Variants in ZGPAT observed in about 807,000 individuals in gnomAD.
ZGPAT encodes zinc finger CCCH-type with G patch domain-containing protein.
ZGPAT carries 39 observed loss-of-function variants against 47.9 expected under a neutral mutation model. The observed-to-expected ratio is 0.81, with a 90% CI of 0.63 to 1.06. The LOEUF (loss-of-function observed/expected upper bound fraction) is 1.06, where lower values mean the gene tolerates loss of function less well. Ranked by LOEUF, ZGPAT falls within the 50% of genes least tolerant of loss-of-function variation. The pLI, the probability that ZGPAT is intolerant of heterozygous loss-of-function variation, is 0.00. For missense variants in ZGPAT, 717 were observed against 681.4 expected (o/e 1.05, Z -0.58); for synonymous variants, 348 against 292.9 (o/e 1.19, Z -1.92).
upstream of ZGPAT, chr20:63,707,904 C>T (rs576938936): frequency 1.9e-4 from 29 of 152,912 alleles, no homozygotes; most frequent in Middle Eastern, 3.4e-3. Context: ...TGCTGCTGAC[C>T]CCCGCTGACC....
chr20:63,722,222 A>T (rs895526283), intron 2 of ZGPAT, among the ~76,000 whole-genome samples: 1 of 152,106 alleles, frequency 6.6e-6, no homozygotes, highest in Non-Finnish European at 1.5e-5. Flanking sequence ...TGCCTTCCCC[A>T]TGGCTACATG....
In ZGPAT at chr20:63,735,786, G is replaced by A. The variant is rs747197367; in HGVS notation, c.1403G>A (p.Ser468Asn). Residue 468 changes from serine (S) to asparagine (N), a missense_variant, in exon 7 of 7, where the codon AGC becomes AAC. Physicochemically the swap from Ser to Asn is conservative, Grantham distance 46. Coordinates refer to ENST00000355969, the MANE Select transcript of ZGPAT (RefSeq NM_181485.3). Reference sequence around the variant, plus strand: ...ACTAGTGAGCCCCTCCGCAGGCATAGCGTGGCGTCAGCCCAGCTGCAGGAG... The same window carrying A: ...ACTAGTGAGCCCCTCCGCAGGCATAACGTGGCGTCAGCCCAGCTGCAGGAG... ...EALARNAGRHSVASAQLQEKL... is the reference protein window; with the variant it reads ...EALARNAGRHNVASAQLQEKL... 5 of 1,602,236 alleles carry A rather than the reference G, an allele frequency of 3.1e-6. No homozygotes were observed. The South Asian group carries it at 5.6e-5, about 18-fold the overall frequency.
chr20:63,707,491 C>T (rs1336258879), upstream of ZGPAT: 1 of 169,802 alleles, frequency 5.9e-6, no homozygotes, highest in South Asian at 1.4e-4. Flanking sequence ...CCCTCGAGCG[C>T]CAGCCCCGCG....
chr20:63,727,551 G>A (rs1321601243), intron 2 of ZGPAT, among the ~76,000 whole-genome samples: 1 of 151,584 alleles, frequency 6.6e-6, no homozygotes, highest in Non-Finnish European at 1.5e-5. Context: ...CACACCTGTA[G>A]TCCCAGCTAC....
intron 2 of ZGPAT, among the ~76,000 whole-genome samples, chr20:63,727,636 C>T (rs997663557): frequency 9.5e-5 from 14 of 146,726 alleles, no homozygotes; most frequent in African/African-American, 3.1e-4. Context: ...TGCCACTGCA[C>T]TCCAGCCTGG....
At chr20:63,732,339 GGGTGA>G (rs1464988661) in intron 2 of ZGPAT, among the ~76,000 whole-genome samples, 4 of 44,926 alleles carry the variant, frequency 8.9e-5, no homozygotes, top group Non-Finnish European at 1.9e-4. Flanking sequence ...GCACGTGTGT[GGGTGA>G]GGTGTGTGTG....
intron 2 of ZGPAT, among the ~76,000 whole-genome samples, chr20:63,714,753 C>CT (rs2091708787): frequency 6.6e-6 from 1 of 151,940 alleles, no homozygotes; most frequent in Non-Finnish European, 1.5e-5. Flanking sequence ...GGGGATCCTC[C>CT]TACTTCATCC....
chr20:63,722,108 C>A (rs1353899782), intron 2 of ZGPAT, among the ~76,000 whole-genome samples: 1 of 152,064 alleles, frequency 6.6e-6, no homozygotes, highest in Non-Finnish European at 1.5e-5. Flanking sequence ...AAGGCAAGCC[C>A]TTCAGGGAGA....
intron 2 of ZGPAT, among the ~76,000 whole-genome samples, chr20:63,732,486 T>C (rs6010634): frequency 0.94 from 140,593 of 149,372 alleles, 66,151 homozygotes; most frequent in East Asian, 0.99. Context: ...GGTGAGGGCG[T>C]ATGTGTGTGG....
At chr20:63,718,937 G>A (rs2091759055) in intron 2 of ZGPAT, among the ~76,000 whole-genome samples, 1 of 151,996 alleles carries the variant, frequency 6.6e-6, no homozygotes, top group Admixed American at 6.6e-5. Context: ...GTGGTGGCAG[G>A]TGCCTGTAGT....
chr20:63,730,939 TCTCTCTCTCTC>T (rs2091892366), intron 2 of ZGPAT, among the ~76,000 whole-genome samples: 1 of 128,372 alleles, frequency 7.8e-6, no homozygotes, highest in Non-Finnish European at 1.6e-5. Context: ...TCTCTCTCTC[TCTCTCTCTCTC>T]TCTCTCTCTC....
At chr20:63,717,866 A>C (rs112178456) in intron 2 of ZGPAT, among the ~76,000 whole-genome samples, 155 of 152,234 alleles carry the variant, frequency 1.0e-3, no homozygotes, top group Non-Finnish European at 1.6e-3. Context: ...GACAGGGAGA[A>C]ACCCCATCTC....
At chr20:63,720,270 T>A (rs978945717) in intron 2 of ZGPAT, among the ~76,000 whole-genome samples, 3 of 151,944 alleles carry the variant, frequency 2.0e-5, no homozygotes, top group African/African-American at 4.8e-5. Flanking sequence ...ATTCTCCTGC[T>A]TCAGCCTCCT....
intron 2 of ZGPAT, among the ~76,000 whole-genome samples, chr20:63,727,012 A>G (rs960044136): frequency 6.6e-5 from 10 of 151,892 alleles, no homozygotes; most frequent in African/African-American, 2.4e-4. Flanking sequence ...ATTGTCACCC[A>G]AGGTCCATAG....
chr20:63,727,432 G>A (rs953263602), intron 2 of ZGPAT, among the ~76,000 whole-genome samples: 3 of 151,668 alleles, frequency 2.0e-5, no homozygotes, highest in Non-Finnish European at 4.4e-5. Flanking sequence ...AGTAGAGACG[G>A]GGTTTCTCAA....
chr20:63,715,684 A>G (rs554112896), intron 2 of ZGPAT, among the ~76,000 whole-genome samples: 1 of 152,160 alleles, frequency 6.6e-6, no homozygotes, highest in Non-Finnish European at 1.5e-5. Flanking sequence ...ATGTCTTTGT[A>G]TAGCTTTGAT....
intron 2 of ZGPAT, among the ~76,000 whole-genome samples, chr20:63,731,457 GGTGTGTAT>G: frequency 7.0e-6 from 1 of 142,622 alleles, no homozygotes; most frequent in South Asian, 2.2e-4. Flanking sequence ...GTTGGTCCTT[GGTGTGTAT>G]GTGTGCATGT....
chr20:63,729,746 G>A (rs921522194), intron 2 of ZGPAT, among the ~76,000 whole-genome samples: 16 of 152,024 alleles, frequency 1.1e-4, no homozygotes, highest in African/African-American at 3.9e-4. Flanking sequence ...TATCTTTGTG[G>A]CCAAATCTTT....
chr20:63,721,095 T>C (rs1446154768), intron 2 of ZGPAT, among the ~76,000 whole-genome samples: 5 of 152,190 alleles, frequency 3.3e-5, no homozygotes, highest in African/African-American at 1.2e-4. Context: ...CTCACGCCTG[T>C]AATGCTAGGA....
Sources: gnomAD v4.1 joint callset for allele counts (sites outside exome capture counted in the v4.1 genomes callset) on GRCh38, gnomAD v4.1.1 for gene constraint, MANE v1.5 for transcripts, NCBI Gene and HGNC (gene_info 2026-07-23, HGNC 2026-07-21) for gene names.